The following SCLY variants were observed in gnomAD, a reference collection of about 807,000 sequenced individuals.
The protein encoded by SCLY is selenocysteine lyase, also known as putative selenocysteine lyase.
A neutral mutation model predicts 50.1 loss-of-function variants in SCLY; 38 were observed. That is an observed-to-expected ratio of 0.76 (90% CI 0.59 to 0.99). The LOEUF is 0.99. Ranked by LOEUF, SCLY falls within the 50% of genes least tolerant of loss-of-function variation. SCLY has a pLI of 0.00. For missense variants in SCLY, 600 were observed against 620.0 expected (o/e 0.97, Z 0.34); for synonymous variants, 243 against 249.4 (o/e 0.97, Z 0.24).
chr2:238,065,766 C>G (rs1417070314), intron 2 of SCLY, among the ~76,000 whole-genome samples: 2 of 151,598 alleles, frequency 1.3e-5, no homozygotes, highest in Non-Finnish European at 2.9e-5. Flanking sequence ...CCTCCGCCTC[C>G]CGGATTCAAG....
At chr2:238,074,785 A>G (rs1478818355) in intron 4 of SCLY, among the ~76,000 whole-genome samples, 1 of 152,068 alleles carries the variant, frequency 6.6e-6, no homozygotes, top group African/African-American at 2.4e-5. Context: ...TGCGTGGCCT[A>G]ATTGTTAGTT....
chr2:238,062,302 G>T (rs2250038), intron 1 of SCLY, among the ~76,000 whole-genome samples: 122,836 of 152,006 alleles, frequency 0.81, 49,973 homozygotes, highest in East Asian at 0.97. Context: ...AAGGGCACAT[G>T]CAAAGTCAAG....
chr2:238,095,685 A>G (rs574063954), intron 10 of SCLY: 5 of 152,258 alleles, frequency 3.3e-5, no homozygotes, highest in Admixed American at 3.3e-4. Flanking sequence ...CTGGGGTCAG[A>G]CTTTGTGTTC....
chr2:238,098,920 T>G lies in SCLY; in HGVS notation c.*565T>G. The G allele has an allele frequency of 4.6e-6, 1 of 219,700 alleles. No homozygotes were observed. Among genetic ancestry groups the G allele is most frequent in the Non-Finnish European group, 9.0e-6 (1 of 111,124 alleles). 13.6% of individuals were successfully genotyped at this position (219,700 alleles called of 1,614,324 possible). On this transcript the variant is annotated 3_prime_UTR_variant, in exon 12 of 12. Transcript: ENST00000254663. ...GCCCTTTTTAGTCCCTTTCCAAAGC[T>G]GCCCCCACCACCCTGCTCCTCTGGC...
At position 238,064,421 on chromosome 2, in the gene SCLY, A is replaced by G. The variant is rs7597367; in HGVS notation, c.154A>G (p.Lys52Glu). The G allele has an allele frequency of 0.015, 23,536 of 1,611,444 alleles. 2,940 individuals are homozygous for G. In the African/African-American group the frequency reaches 0.27, roughly 19 times the overall value. The change falls in exon 2 of 12, where the codon AAG (lysine) becomes GAG (glutamate). Residue 52 changes from lysine (K) to glutamate (E), a missense_variant. By Grantham distance (56) the Lys-to-Glu change is moderately conservative. Transcript: ENST00000254663. ...GCCAGAAGTTATCCAGGCCATGACC[A>G]AGGCCATGTGGGAAGCCTGGGGAAA... is the stretch of plus-strand genomic sequence containing the variant. The part of the protein sequence containing the change: ...LEPEVIQAMT[K>E]AMWEAWGNPS...
chr2:238,091,549 C>CCCTGT, intron 8 of SCLY: 13 of 339,028 alleles, frequency 3.8e-5, no homozygotes, highest in East Asian at 5.6e-5. Context: ...TGCAGGTTCA[C>CCCTGT]CATTCCCAAA....
rs1180050722 is a variant in SCLY, at chr2:238,069,741, C to T, written c.484+264C>T. 2 of 392,078 alleles carry T rather than the reference C, an allele frequency of 5.1e-6. No individual in the cohort carries two copies. The highest frequency in any genetic ancestry group is 9.1e-6 in the Non-Finnish European group (2 of 220,900). The allele number at this position is 392,078 out of a possible 1,614,324, so 24.3% of individuals were successfully genotyped here. On this transcript the variant is annotated intron_variant, in intron 4 of 11. Coordinates refer to ENST00000254663, the MANE Select transcript of SCLY (RefSeq NM_016510.7). This position sits in a 1 kb window ranked among gnomAD's most constrained non-coding sequence, Gnocchi z 5.0. ...GTTGGCAAGTGTGGCCAAACTTTCCCTTAGGAAGTTCATTGAGAATGAATA... is the reference window on the plus strand; with the variant it reads ...GTTGGCAAGTGTGGCCAAACTTTCCTTTAGGAAGTTCATTGAGAATGAATA...
At chr2:238,085,542 C>G (rs1049696374) in intron 7 of SCLY, among the ~76,000 whole-genome samples, 6 of 151,302 alleles carry the variant, frequency 4.0e-5, no homozygotes, top group Non-Finnish European at 8.8e-5. Context: ...CACGGTGAAA[C>G]CCCATCTCTA....
At chr2:238,091,513 G>A in intron 8 of SCLY, 1 of 498,202 alleles carries the variant, frequency 2.0e-6, no homozygotes, top group Non-Finnish European at 3.7e-6. Context: ...CAGTGATACT[G>A]TTACAGCAGA....
At chr2:238,063,500 G>A (rs1053286105) in intron 1 of SCLY, among the ~76,000 whole-genome samples, 3 of 152,196 alleles carry the variant, frequency 2.0e-5, no homozygotes, top group Non-Finnish European at 4.4e-5. Context: ...TGGGATTATA[G>A]GCGTGAGCCA....
chr2:238,094,181 A>G (rs2065400475), intron 9 of SCLY: 1 of 611,844 alleles, frequency 1.6e-6, no homozygotes. Flanking sequence ...ACAGGATCAA[A>G]TATGCAGAGG....
intron 7 of SCLY, among the ~76,000 whole-genome samples, chr2:238,086,691 G>A (rs1382852892): frequency 2.6e-5 from 3 of 117,132 alleles, no homozygotes; most frequent in African/African-American, 1.0e-4. Context: ...GGGCAACAGA[G>A]CAAGACCCTG....
intron 4 of SCLY, chr2:238,081,468 C>T (rs1166646528): frequency 1.7e-5 from 8 of 474,934 alleles, no homozygotes; most frequent in South Asian, 1.4e-4. Flanking sequence ...CAGAAAGGCA[C>T]ACAGCTTCCA....
chr2:238,096,892 AAACCCAGTCCAGGGCAT>A lies in SCLY; in HGVS notation c.1184+18_1184+34del, dbSNP rs1340126057. On this transcript the variant is annotated intron_variant, in intron 11 of 11. Coordinates refer to ENST00000254663, the MANE Select transcript of SCLY (RefSeq NM_016510.7). ...ACGGGGACCAGTAAGTGCTCTTCAC[AAACCCAGTCCAGGGCAT>A]AGGGGTCCTCCGGGCACTGGGTGTG... is the stretch of plus-strand genomic sequence containing the variant. 1 of 1,601,446 alleles carries A rather than the reference AAACCCAGTCCAGGGCAT, an allele frequency of 6.2e-7. No homozygotes were observed. The highest frequency in any genetic ancestry group is 8.5e-7 in the Non-Finnish European group (1 of 1,173,956).
At position 238,098,948 on chromosome 2, in the gene SCLY, C is replaced by A; in HGVS notation, c.*593C>A. On this transcript the variant is annotated 3_prime_UTR_variant, in exon 12 of 12. Coordinates refer to ENST00000254663, the MANE Select transcript of SCLY (RefSeq NM_016510.7). The stretch of plus-strand genomic sequence containing the variant: ...CCCCACCACCCTGCTCCTCTGGCCT[C>A]AGTGCACAGTGGCCCCCAGCCTCGG... 4.0e-6 allele frequency: 1 copy of A among 248,464 alleles called. No individual in the cohort carries two copies. The allele number at this position is 248,464 out of a possible 1,614,324, so 15.4% of individuals were successfully genotyped here. A position where few individuals can be genotyped will look rare whatever the true frequency, so the allele number is the denominator to read the frequency against.
chr2:238,090,297 A>G (rs925109840), intron 7 of SCLY, among the ~76,000 whole-genome samples: 2 of 152,224 alleles, frequency 1.3e-5, no homozygotes, highest in African/African-American at 4.8e-5. Context: ...GAAAATATCT[A>G]TTGGTAAACA....
chr2:238,098,519 G>C lies in SCLY; in HGVS notation c.*164G>C. The C allele has an allele frequency of 1.3e-6, 1 of 796,604 alleles. No individual in the cohort carries two copies. The highest frequency in any genetic ancestry group is 3.3e-5 in the Admixed American group (1 of 30,304). The allele number at this position is 796,604 out of a possible 1,614,324, so 49.3% of individuals were successfully genotyped here. On this transcript the variant is annotated 3_prime_UTR_variant, in exon 12 of 12. Coordinates refer to ENST00000254663, the MANE Select transcript of SCLY (RefSeq NM_016510.7). The stretch of plus-strand genomic sequence containing the variant: ...GTGTGCACCCCCAGTTTCCTTCCCT[G>C]GACCCCTGCAGAGCTCACAGGGCCC...
chr2:238,070,648 C>G (rs575593210), intron 4 of SCLY, among the ~76,000 whole-genome samples: 1 of 152,128 alleles, frequency 6.6e-6, no homozygotes, highest in African/African-American at 2.4e-5. Flanking sequence ...TGTACTCCAG[C>G]CTGGGAGACA....
At chr2:238,082,534 T>C (rs1345337591) in intron 6 of SCLY, among the ~76,000 whole-genome samples, 4 of 152,314 alleles carry the variant, frequency 2.6e-5, no homozygotes, top group African/African-American at 9.6e-5. Context: ...CGAGTGTCTC[T>C]GCAGCGGACA....
Sources: allele counts gnomAD v4.1 joint callset (sites outside exome capture counted in the v4.1 genomes callset), GRCh38; gene constraint gnomAD v4.1.1; non-coding constraint Gnocchi (gnomAD v3.1); transcripts MANE v1.5; gene names NCBI Gene and HGNC (gene_info 2026-07-23, HGNC 2026-07-21).